The following CTNNA2 variants were observed in gnomAD, a reference collection of about 807,000 sequenced individuals.
CTNNA2 encodes catenin alpha-2.
Under a neutral mutation model 101.0 loss-of-function variants are expected in CTNNA2, and 42 were observed. That is an observed-to-expected ratio of 0.42 (90% CI 0.32 to 0.54). The LOEUF is 0.54. CTNNA2 is among the 20% of genes least tolerant of loss of function. The pLI is 0.14. For synonymous variants in CTNNA2, 450 were observed against 456.4 expected, an observed-to-expected ratio of 0.99 and a Z score of 0.18; for missense variants, 871 against 1,223.1, an observed-to-expected ratio of 0.71 and a Z score of 4.29.
chr2:80,524,283 C>T (rs533888612), intron 9 of CTNNA2, among the ~76,000 whole-genome samples: 5 of 152,154 alleles, frequency 3.3e-5, no homozygotes, highest in African/African-American at 4.8e-5. Context: ...AAGATAGTAT[C>T]TTGTATATCC....
intron 7 of CTNNA2, among the ~76,000 whole-genome samples, chr2:80,375,683 G>A (rs1336771483): frequency 2.0e-5 from 3 of 149,032 alleles, no homozygotes; most frequent in African/African-American, 5.0e-5. Flanking sequence ...TCCTGCCTCA[G>A]CCTCCCAAGT....
intron 3 of CTNNA2, among the ~76,000 whole-genome samples, chr2:79,370,526 G>T (rs748374837): frequency 1.3e-5 from 2 of 152,112 alleles, no homozygotes; most frequent in African/African-American, 2.4e-5. Context: ...CTATGCTAGG[G>T]CATGTGGGCT....
chr2:80,091,667 C>A (rs914976528), intron 7 of CTNNA2, among the ~76,000 whole-genome samples: 1 of 151,938 alleles, frequency 6.6e-6, no homozygotes, highest in Admixed American at 6.6e-5. Context: ...GAAGGAAATG[C>A]CAGAAGAGCA....
At chr2:80,112,120 G>T (rs1356349759) in intron 7 of CTNNA2, among the ~76,000 whole-genome samples, 1 of 152,084 alleles carries the variant, frequency 6.6e-6, no homozygotes, top group Non-Finnish European at 1.5e-5. Flanking sequence ...TAATAATAAG[G>T]ATTTAAAGTA....
At chr2:80,294,644 T>A (rs115633619) in intron 7 of CTNNA2, among the ~76,000 whole-genome samples, 1,533 of 151,940 alleles carry the variant, frequency 0.01, 10 homozygotes, top group Middle Eastern at 0.027. Context: ...TTAAAAAAAA[T>A]AATAATAATA....
At chr2:79,652,061 A>G (rs1467514857) in intron 2 of CTNNA2, among the ~76,000 whole-genome samples, 8 of 152,192 alleles carry the variant, frequency 5.3e-5, no homozygotes, top group Non-Finnish European at 1.0e-4. Context: ...ACAAAGCAGA[A>G]TTCATCCTGT....
rs376252341 is a variant in CTNNA2 at position 79,428,176 on chromosome 2, T to C, written c.-135+54163T>C. On this transcript the variant is annotated intron_variant, in intron 4 of 21. Transcript: ENST00000466387. ...GTCAGTCTCTTCATTTTTTTTTTAATGCAGAACAGTTTAGCTCCCTTTGTG... is the reference window on the plus strand; with the variant it reads ...GTCAGTCTCTTCATTTTTTTTTTAACGCAGAACAGTTTAGCTCCCTTTGTG... 1.1e-4 allele frequency among the ~76,000 whole-genome samples: 16 copies of C among 152,126 alleles called. No individual in the cohort carries two copies. In the East Asian group the frequency reaches 2.3e-3, roughly 22 times the overall value.
intron 2 of CTNNA2, among the ~76,000 whole-genome samples, chr2:79,258,315 C>T (rs2104282788): frequency 6.6e-6 from 1 of 152,270 alleles, no homozygotes; most frequent in South Asian, 2.1e-4. Flanking sequence ...TTGGTTTGGT[C>T]ATTTTGTATC....
chr2:80,546,088 A>T, intron 11 of CTNNA2, 25 bp downstream of exon 11: 1 of 1,611,992 alleles, frequency 6.2e-7, no homozygotes, highest in African/African-American at 1.3e-5. Context: ...CAGGTCCCTT[A>T]CAAGGCAGCT....
At chr2:79,240,579 A>G (rs942390530) in intron 2 of CTNNA2, among the ~76,000 whole-genome samples, 1 of 152,144 alleles carries the variant, frequency 6.6e-6, no homozygotes, top group Non-Finnish European at 1.5e-5. Flanking sequence ...TCTACTGTCA[A>G]TTGATTGTTG....
chr2:80,022,718 G>C (rs927507240), intron 7 of CTNNA2, among the ~76,000 whole-genome samples: 1 of 152,164 alleles, frequency 6.6e-6, no homozygotes, highest in Non-Finnish European at 1.5e-5. Flanking sequence ...CTCATGACAG[G>C]CTTTCTCAGA....
rs146414250 is a variant in CTNNA2 at position 79,473,939 on chromosome 2, A to G, written c.-134-31115A>G. 2.2e-3 allele frequency among the ~76,000 whole-genome samples: 336 copies of G among 152,262 alleles called. 1 individual carries two copies. Among genetic ancestry groups the G allele is most frequent in the African/African-American group, 7.7e-3 (318 of 41,566 alleles). ...ATTTTATTTCTGTGCCACCAATAAG[A>G]CTAGCCACATGTGGCTGTTGAACAC... On this transcript the variant is annotated intron_variant, in intron 4 of 21. Coordinates refer to the CTNNA2 transcript ENST00000466387.
intron 3 of CTNNA2, among the ~76,000 whole-genome samples, chr2:79,761,307 T>TA (rs1056407418): frequency 3.3e-5 from 5 of 152,114 alleles, no homozygotes; most frequent in African/African-American, 9.7e-5. Flanking sequence ...AGTTTTACTT[T>TA]AAAAAAACAG....
intron 9 of CTNNA2, among the ~76,000 whole-genome samples, chr2:80,456,417 A>G (rs1683982435): frequency 6.6e-6 from 1 of 152,166 alleles, no homozygotes; most frequent in Non-Finnish European, 1.5e-5. Context: ...ATGTAGTCTC[A>G]GTACATTTGG....
In CTNNA2 at chr2:80,581,778, C is replaced by A; in HGVS notation, c.1966C>A (p.Gln656Lys). 6.2e-7 allele frequency: 1 copy of A among 1,613,090 alleles called. No homozygotes were observed. Among genetic ancestry groups the A allele is most frequent in the Non-Finnish European group, 8.5e-7 (1 of 1,179,284 alleles). ...DYDVRSRTSV[Q>K]TEDDQLIAGQ... ...TGATGTGCGTAGCAGGACAAGTGTT[C>A]AGACTGAGGATGACCAGCTCATTGC... is the stretch of plus-strand genomic sequence containing the variant. The change falls in exon 14 of 19, where the codon CAG becomes AAG. Residue 656 changes from glutamine to lysine, a missense_variant. Coordinates refer to ENST00000402739, the MANE Select transcript of CTNNA2 (RefSeq NM_001282597.3).
At chr2:79,316,676 A>G (rs1214908100) in intron 3 of CTNNA2, among the ~76,000 whole-genome samples, 1 of 151,754 alleles carries the variant, frequency 6.6e-6, no homozygotes, top group Non-Finnish European at 1.5e-5. Context: ...TTTTTAATAT[A>G]ATTATAAATT....
intron 4 of CTNNA2, among the ~76,000 whole-genome samples, chr2:79,393,628 G>GA (rs71385270): frequency 0.45 from 40,452 of 88,936 alleles, 8,432 homozygotes; most frequent in East Asian, 0.71. Flanking sequence ...TGTTCACAGA[G>GA]AAAAAAAAAA....
intron 2 of CTNNA2, among the ~76,000 whole-genome samples, chr2:79,249,686 A>G (rs17016647): frequency 0.036 from 5,407 of 152,268 alleles, 269 homozygotes; most frequent in African/African-American, 0.11. Context: ...CTTTGGAATT[A>G]CATAGTCTTT....
At chr2:79,620,694 T>G (rs1678937678) in intron 1 of CTNNA2, among the ~76,000 whole-genome samples, 1 of 152,108 alleles carries the variant, frequency 6.6e-6, no homozygotes, top group African/African-American at 2.4e-5. Flanking sequence ...TCAAGAAAAC[T>G]AGGGTAAACC....
Sources: allele counts gnomAD v4.1 joint callset (sites outside exome capture counted in the v4.1 genomes callset), GRCh38; gene constraint gnomAD v4.1.1; transcripts MANE v1.5; gene names NCBI Gene and HGNC (gene_info 2026-07-23, HGNC 2026-07-21).